Variants in HERPUD2 observed in about 807,000 individuals in gnomAD.
The protein encoded by HERPUD2 is HERPUD family member 2.
In HERPUD2, 13 loss-of-function variants were observed where a neutral mutation model predicts 49.9. The observed-to-expected ratio is 0.26, with a 90% confidence interval of 0.17 to 0.41. HERPUD2 has a LOEUF of 0.41. Ranked by LOEUF, HERPUD2 falls within the 10% of genes least tolerant of loss-of-function variation. The probability of loss-of-function intolerance (pLI) is 1.00; values close to 1 mark genes in which losing one functional copy is unlikely to be tolerated. For missense variants in HERPUD2, 449 were observed against 492.2 expected (o/e 0.91, Z 0.83); for synonymous variants, 172 against 171.4 (o/e 1.00, Z -0.03).
chr7:35,693,792 CA>C (rs1300403882), intron 2 of HERPUD2, among the ~76,000 whole-genome samples: 1 of 152,138 alleles, frequency 6.6e-6, no homozygotes, highest in African/African-American at 2.4e-5. Context: ...CATGCGCCAC[CA>C]CGCCCAGCTA....
Position 35,677,710 on chromosome 7 carries a change from ATG to A in HERPUD2, c.148-4434_148-4433del, listed in dbSNP as rs2115998753. Among the ~76,000 whole-genome samples, 2 of 152,342 alleles carry A rather than the reference ATG, an allele frequency of 1.3e-5. 1 individual carries two copies. Among genetic ancestry groups the A allele is most frequent in the South Asian group, 4.1e-4 (2 of 4,828 alleles). On this transcript the variant is annotated intron_variant, in intron 2 of 8. Coordinates refer to ENST00000311350, the MANE Select transcript of HERPUD2 (RefSeq NM_022373.5). The stretch of plus-strand genomic sequence containing the variant: ...TTTTGTTTTCTTCAAGAGAGAAATA[ATG>A]TGTTTATATGCCAACAGAAGTAATT...
chr7:35,674,094 A>G (rs1785698434), intron 2 of HERPUD2, among the ~76,000 whole-genome samples: 2 of 152,040 alleles, frequency 1.3e-5, no homozygotes, highest in African/African-American at 4.8e-5. Flanking sequence ...TCCAAGTCAC[A>G]ACTATAACAA....
intron 5 of HERPUD2, among the ~76,000 whole-genome samples, chr7:35,661,625 T>G (rs1465501474): frequency 1.3e-5 from 2 of 152,222 alleles, no homozygotes; most frequent in Non-Finnish European, 2.9e-5. Flanking sequence ...TATTTTATTC[T>G]CTTTGAAGCA....
At chr7:35,675,458 T>C (rs1489531787) in intron 2 of HERPUD2, among the ~76,000 whole-genome samples, 4 of 152,220 alleles carry the variant, frequency 2.6e-5, no homozygotes, top group Non-Finnish European at 5.9e-5. Flanking sequence ...AATTTGAACC[T>C]AAAGAAGTTT....
At chr7:35,674,085 C>A (rs1785698223) in intron 2 of HERPUD2, among the ~76,000 whole-genome samples, 1 of 151,862 alleles carries the variant, frequency 6.6e-6, no homozygotes, top group African/African-American at 2.4e-5. Flanking sequence ...TATGCCAAAT[C>A]CAAGTCACAA....
At chr7:35,652,481 A>G (rs1785187341) in intron 5 of HERPUD2, among the ~76,000 whole-genome samples, 1 of 152,184 alleles carries the variant, frequency 6.6e-6, no homozygotes, top group South Asian at 2.1e-4. Context: ...GCATCCAGTC[A>G]CTTAATGCTT....
intron 5 of HERPUD2, among the ~76,000 whole-genome samples, chr7:35,646,882 A>G (rs369810756): frequency 2.2e-3 from 342 of 152,250 alleles, no homozygotes; most frequent in Non-Finnish European, 3.5e-3. Context: ...CAGATCGGCT[A>G]TACTAGTTAG....
intron 2 of HERPUD2, among the ~76,000 whole-genome samples, chr7:35,682,349 GTGTGTGTGTATATATATATATA>G (rs1562686310): frequency 0.22 from 9,260 of 41,792 alleles, 1,572 homozygotes; most frequent in Non-Finnish European, 0.27. Flanking sequence ...GTGTGTGTGT[GTGTGTGTGTATATATATATATA>G]TATATATATA....
At chr7:35,655,210 T>C (rs534079130) in intron 5 of HERPUD2, among the ~76,000 whole-genome samples, 18 of 152,130 alleles carry the variant, frequency 1.2e-4, no homozygotes, top group Admixed American at 1.3e-4. Flanking sequence ...CTCCAAAACA[T>C]TGAAGAGGAG....
chr7:35,685,159 T>G (rs1405506320), intron 2 of HERPUD2, among the ~76,000 whole-genome samples: 2 of 151,820 alleles, frequency 1.3e-5, no homozygotes, highest in Non-Finnish European at 2.9e-5. Flanking sequence ...GAGGATCACT[T>G]TAGCCCAAGA....
chr7:35,694,066 G>T, intron 2 of HERPUD2, 118 bp downstream of exon 2: 1 of 983,096 alleles, frequency 1.0e-6, no homozygotes, highest in Non-Finnish European at 1.6e-6. Context: ...AATACCTCGC[G>T]GTCTACCAAA....
chr7:35,686,157 C>A (rs1481962787), intron 2 of HERPUD2, among the ~76,000 whole-genome samples: 1 of 151,808 alleles, frequency 6.6e-6, no homozygotes, highest in Admixed American at 6.6e-5. Context: ...TGTTATTTAT[C>A]CAGCCCTGCT....
intron 5 of HERPUD2, among the ~76,000 whole-genome samples, chr7:35,647,813 G>A (rs1785082390): frequency 6.6e-6 from 1 of 152,214 alleles, no homozygotes; most frequent in Admixed American, 6.5e-5. Context: ...ATAAGTGGCA[G>A]ATAACAGTGC....
Position 35,667,489 on chromosome 7 carries a change from G to A in HERPUD2, c.439C>T (p.Pro147Ser). Reference protein sequence around the residue: ...SSEGLRQRTLPQAQTDQAQSH... With the variant: ...SSEGLRQRTLSQAQTDQAQSH... The stretch of plus-strand genomic sequence containing the variant: ...TGTGCTTGGTCAGTTTGTGCTTGTG[G>A]AAGGGTACGCTGCCTCAATCCTTCT... The change falls in exon 5 of 9, where the codon CCA (proline) becomes TCA (serine). Residue 147 changes from proline to serine, a missense_variant. Coordinates refer to ENST00000311350, the MANE Select transcript of HERPUD2 (RefSeq NM_022373.5). The A allele has an allele frequency of 3.7e-6, 6 of 1,613,994 alleles. No homozygotes were observed. Among genetic ancestry groups the A allele is most frequent in the Non-Finnish European group, 4.2e-6 (5 of 1,179,910 alleles).
At position 35,633,561 on chromosome 7, in the gene HERPUD2, G is replaced by A. The variant is rs982375913; in HGVS notation, c.*129C>T. 1.1e-5 allele frequency: 7 copies of A among 611,764 alleles called. No homozygotes were observed. Among genetic ancestry groups the A allele is most frequent in the African/African-American group, 3.8e-5 (2 of 52,046 alleles). The allele number at this position is 611,764 out of a possible 1,614,324, so 37.9% of individuals were successfully genotyped here. A position where few individuals can be genotyped will look rare whatever the true frequency, so the allele number is the denominator to read the frequency against. On this transcript the variant is annotated 3_prime_UTR_variant, in exon 9 of 9. Transcript: ENST00000311350. Reference sequence around the variant, plus strand: ...CTTAAAATATTCATATGCATGAGAAGCCTAAAGAAAAAAAACACCTCTGTA... The same window carrying A: ...CTTAAAATATTCATATGCATGAGAAACCTAAAGAAAAAAAACACCTCTGTA...
rs1195634025 is a variant in HERPUD2 at position 35,682,270 on chromosome 7, GA to G, written c.148-8993del. Among the ~76,000 whole-genome samples, 30 of 32,046 alleles carry G rather than the reference GA, an allele frequency of 9.4e-4. 6 individuals carry two copies. Among genetic ancestry groups the G allele is most frequent in the Middle Eastern group, 0.019 (1 of 52 alleles). The allele number at this position is 32,046 out of a possible 152,430, so 21.0% of individuals were successfully genotyped here. A position where few individuals can be genotyped will look rare whatever the true frequency, so the allele number is the denominator to read the frequency against. On this transcript the variant is annotated intron_variant, in intron 2 of 8. Transcript: ENST00000311350. ...ACACACGTGTGTGTGTGTATATATAGATATATACACATACACACGTGTGTGT... is the reference window on the plus strand; with the variant it reads ...ACACACGTGTGTGTGTGTATATATAGTATATACACATACACACGTGTGTGT...
chr7:35,667,676 A>C, intron 4 of HERPUD2, 88 bp from the exon 5 acceptor site: 2 of 959,262 alleles, frequency 2.1e-6, no homozygotes, highest in Non-Finnish European at 3.2e-6. Flanking sequence ...GTATTCATGA[A>C]ATCCCTCTGC....
Position 35,635,265 on chromosome 7 carries a change from C to T in HERPUD2, c.811G>A (p.Asp271Asn). The T allele has an allele frequency of 6.2e-7, 1 of 1,614,156 alleles. No homozygotes were observed. The highest frequency in any genetic ancestry group is 8.5e-7 in the Non-Finnish European group (1 of 1,180,006). Reference sequence around the variant, plus strand: ...CAGTCTAGCCAGTCTCGATTGAAGTCTTCTTCATTTAGTACTGGACCTCCC... The same window carrying T: ...CAGTCTAGCCAGTCTCGATTGAAGTTTTCTTCATTTAGTACTGGACCTCCC... The part of the protein sequence containing the change: ...AQGGPVLNEE[D>N]FNRDWLDWMY... Residue 271 changes from aspartate to asparagine, a missense_variant, in exon 7 of 9, where the codon GAC (aspartate) becomes AAC (asparagine). By Grantham distance (23) the Asp-to-Asn change is conservative (BLOSUM62 1). Transcript: ENST00000311350.
intron 2 of HERPUD2, among the ~76,000 whole-genome samples, chr7:35,692,532 A>G (rs1786215875): frequency 6.6e-6 from 1 of 152,216 alleles, no homozygotes; most frequent in African/African-American, 2.4e-5. Context: ...ATCTTTTGTA[A>G]TCAAGGTATT....
Sources: gnomAD v4.1 joint callset for allele counts (sites outside exome capture counted in the v4.1 genomes callset) on GRCh38, gnomAD v4.1.1 for gene constraint, MANE v1.5 for transcripts, NCBI Gene and HGNC (gene_info 2026-07-23, HGNC 2026-07-21) for gene names.